Variants in DDX21 observed in about 807,000 individuals in gnomAD.
DDX21 encodes nucleolar RNA helicase 2.
Under a neutral mutation model 90.0 loss-of-function variants are expected in DDX21, and 18 were observed. The observed-to-expected ratio is 0.20, with a 90% CI of 0.14 to 0.30. DDX21 has a LOEUF of 0.30. Ranked by LOEUF, DDX21 falls within the 10% of genes least tolerant of loss-of-function variation. The pLI is 1.00. For missense variants in DDX21, 673 were observed against 944.5 expected (o/e 0.71, Z 3.77); for synonymous variants, 294 against 318.0 (o/e 0.92, Z 0.80).
At chr10:68,976,060 AAAAAATAC>A (rs1843095796) in intron 11 of DDX21, among the ~76,000 whole-genome samples, 1 of 151,612 alleles carries the variant, frequency 6.6e-6, no homozygotes, top group Non-Finnish European at 1.5e-5. Flanking sequence ...AAAAAAAAAA[AAAAAATAC>A]AAAAATACAA....
Position 68,959,932 on chromosome 10 carries a change from C to T in DDX21, c.214C>T (p.Pro72Ser), listed in dbSNP as rs374486646. The T allele has an allele frequency of 6.2e-7, 1 of 1,610,498 alleles. No homozygotes were observed. The highest frequency in any genetic ancestry group is 8.5e-7 in the Non-Finnish European group (1 of 1,179,496). The change falls in exon 2 of 15, where the codon CCT (proline) becomes TCT (serine). Residue 72 changes from proline to serine, a missense_variant. Pro to Ser is a moderately conservative substitution (Grantham distance 74, BLOSUM62 -1). This residue lies in a region of DDX21 where 204 missense variants were observed against 221.6 expected (regional missense o/e 0.92). Coordinates refer to ENST00000354185, the MANE Select transcript of DDX21 (RefSeq NM_004728.4). The part of the protein sequence containing the change: ...AEPSEVDMNS[P>S]KSKKAKKKEE... ...GCCTTCTGAAGTTGACATGAATTCTCCTAAATCCAAAAAGGCAAAAAAGAA... is the reference window on the plus strand; with the variant it reads ...GCCTTCTGAAGTTGACATGAATTCTTCTAAATCCAAAAAGGCAAAAAAGAA...
chr10:68,962,174 T>TA lies in DDX21; in HGVS notation c.607+18dup. ...TTCTCAAAGGTAATGTTCTTGGAAA[T>TA]ATCGTATGATGTTAGAACGTATTAT... is the stretch of plus-strand genomic sequence containing the variant. On this transcript the variant is annotated intron_variant, in intron 3 of 14. Transcript: ENST00000354185. 1 of 1,548,712 alleles carries TA rather than the reference T, an allele frequency of 6.5e-7. No individual in the cohort carries two copies. The highest frequency in any genetic ancestry group is 8.9e-7 in the Non-Finnish European group (1 of 1,126,834).
chr10:68,974,829 A>C (rs879789170), intron 11 of DDX21, 86 bp downstream of exon 11: 409 of 1,232,298 alleles, frequency 3.3e-4, no homozygotes, highest in Non-Finnish European at 4.5e-4. Context: ...TTGACTTAAA[A>C]AAATTTTTTT....
At chr10:68,965,317 G>GACT (rs1202649135) in intron 4 of DDX21, 60 bp from the exon 5 acceptor site, 6 of 1,332,386 alleles carry the variant, frequency 4.5e-6, no homozygotes, top group Non-Finnish European at 5.3e-6. Context: ...GTTCTTTAAG[G>GACT]ACTAGATTAA....
chr10:68,977,588 T>C lies in DDX21; in HGVS notation c.1802T>C (p.Leu601Pro). Residue 601 changes from leucine to proline, a missense_variant, in exon 12 of 15, where the codon CTG becomes CCG. Physicochemically the swap from Leu to Pro is moderately conservative, Grantham distance 98 (BLOSUM62 -3). Coordinates refer to ENST00000354185, the MANE Select transcript of DDX21 (RefSeq NM_004728.4). ...ISHFKQSAEK[L>P]IEEKGAVEAL... The stretch of plus-strand genomic sequence containing the variant: ...CACTTCAAACAATCAGCTGAGAAGC[T>C]GATAGAGGAGAAGGGAGCTGTGGAA... 1 of 1,613,762 alleles carries C rather than the reference T, an allele frequency of 6.2e-7. No homozygotes were observed.
At chr10:68,971,605 T>C (rs1343313226) in intron 8 of DDX21, among the ~76,000 whole-genome samples, 1 of 152,120 alleles carries the variant, frequency 6.6e-6, no homozygotes, top group Non-Finnish European at 1.5e-5. Flanking sequence ...ATCACACAAA[T>C]GAGGAAAGGG....
intron 13 of DDX21, among the ~76,000 whole-genome samples, chr10:68,979,396 G>A (rs1358136911): frequency 6.6e-6 from 1 of 152,094 alleles, no homozygotes; most frequent in African/African-American, 2.4e-5. Flanking sequence ...ACTATCACAA[G>A]GATTCTCAAA....
At chr10:68,956,399 G>A in intron 1 of DDX21, 87 bp downstream of exon 1, 4 of 1,575,356 alleles carry the variant, frequency 2.5e-6, no homozygotes, top group Middle Eastern at 3.7e-4. Context: ...TGGGATCGTG[G>A]GAGCGCGCGG....
At chr10:68,980,480 A>C (rs1843169776) in intron 13 of DDX21, among the ~76,000 whole-genome samples, 1 of 152,190 alleles carries the variant, frequency 6.6e-6, no homozygotes. Flanking sequence ...AATGCCTGGG[A>C]TTATACTCTA....
chr10:68,983,330 A>T lies in DDX21; in HGVS notation c.*518A>T, dbSNP rs1198446627. On this transcript the variant is annotated 3_prime_UTR_variant, in exon 15 of 15. Coordinates refer to ENST00000354185, the MANE Select transcript of DDX21 (RefSeq NM_004728.4). ...AGCAATGTTTTGAAACAAGATTTCA[A>T]ACTAATCTGGGTTGTAATACAGTTT... 2 of 160,514 alleles carry T rather than the reference A, an allele frequency of 1.2e-5. No homozygotes were observed. Among genetic ancestry groups the T allele is most frequent in the Non-Finnish European group, 2.8e-5 (2 of 72,154 alleles). The allele number at this position is 160,514 out of a possible 1,614,324, so 9.9% of individuals were successfully genotyped here. A position where few individuals can be genotyped will look rare whatever the true frequency, so the allele number is the denominator to read the frequency against.
At chr10:68,960,363 C>A in intron 2 of DDX21, 114 bp downstream of exon 2, 1 of 1,107,224 alleles carries the variant, frequency 9.0e-7, no homozygotes, top group East Asian at 2.7e-5. Context: ...TGTGTCAGCA[C>A]CTTGTGGGTT....
rs748329959 is a variant in DDX21 at position 68,960,076 on chromosome 10, C to G, written c.358C>G (p.Pro120Ala). 3 of 1,609,050 alleles carry G rather than the reference C, an allele frequency of 1.9e-6. No homozygotes were observed. In the Admixed American group the frequency reaches 5.1e-5, roughly 27 times the overall value. The change falls in exon 2 of 15, where the codon CCT becomes GCT. Residue 120 changes from proline to alanine, a missense_variant. Pro to Ala is a conservative substitution (Grantham distance 27). This residue lies in a region of DDX21 where 204 missense variants were observed against 221.6 expected (regional missense o/e 0.92). Transcript: ENST00000354185. ...CAAAAAAGTGACAAAAAATGAGGAG[C>G]CTTCTGAGGAAGAAATAGATGCTCC... ...KTKKVTKNEE[P>A]SEEEIDAPKP...
intron 1 of DDX21, 24 bp from the exon 2 acceptor site, chr10:68,959,782 A>G: frequency 6.7e-7 from 1 of 1,490,352 alleles, no homozygotes; most frequent in Non-Finnish European, 8.9e-7. Flanking sequence ...CAGTGTTTGT[A>G]TTTTCCTTAT....
rs190131377 is a variant in DDX21, at chr10:68,966,233, C to A, written c.904+739C>A. 2.6e-3 allele frequency among the ~76,000 whole-genome samples: 392 copies of A among 151,586 alleles called. 5 individuals are homozygous for A. The highest frequency in any genetic ancestry group is 0.011 in the Admixed American group (174 of 15,244). ...GTGGCGTGAACCTGGGAGGCTCCCA[C>A]GCCCGGCTAATTTTTGTATTTTTAG... On this transcript the variant is annotated intron_variant, in intron 5 of 14. Coordinates refer to ENST00000354185, the MANE Select transcript of DDX21 (RefSeq NM_004728.4).
At chr10:68,971,462 G>T (rs1470320057) in intron 8 of DDX21, among the ~76,000 whole-genome samples, 1 of 151,972 alleles carries the variant, frequency 6.6e-6, no homozygotes, top group Non-Finnish European at 1.5e-5. Flanking sequence ...GCCCAGGCTG[G>T]TCTCAAACCC....
In DDX21 at chr10:68,956,216, T is replaced by A. The variant is rs369216864; in HGVS notation, c.-10T>A. 1 of 1,613,812 alleles carries A rather than the reference T, an allele frequency of 6.2e-7. No homozygotes were observed. The highest frequency in any genetic ancestry group is 8.5e-7 in the Non-Finnish European group (1 of 1,179,874). On this transcript the variant is annotated 5_prime_UTR_variant, in exon 1 of 15. Transcript: ENST00000354185. ...AGAAGACCGGTCGGCCTGGGCAACC[T>A]GCGCTGAAGATGCCGGGAAAACTCC...
At chr10:68,970,111 C>T in intron 7 of DDX21, 90 bp from the exon 8 acceptor site, 1 of 1,246,418 alleles carries the variant, frequency 8.0e-7, no homozygotes, top group Non-Finnish European at 1.1e-6. Context: ...GACATTAGAA[C>T]ATTAGTGTTG....
chr10:68,982,817 A>T lies in DDX21; in HGVS notation c.*5A>T, dbSNP rs200754055. 1.2e-6 allele frequency: 2 copies of T among 1,613,428 alleles called. No homozygotes were observed. Among genetic ancestry groups the T allele is most frequent in the Non-Finnish European group, 1.7e-6 (2 of 1,179,618 alleles). On this transcript the variant is annotated 3_prime_UTR_variant, in exon 15 of 15. Coordinates refer to ENST00000354185, the MANE Select transcript of DDX21 (RefSeq NM_004728.4). Reference sequence around the variant, plus strand: ...AGTAAAGCATTTGGTCAATAATTAGAAATAGAAGATTTATATAGCAAAAAG... The same window carrying T: ...AGTAAAGCATTTGGTCAATAATTAGTAATAGAAGATTTATATAGCAAAAAG...
chr10:68,961,930 A>G (rs1411291976), intron 2 of DDX21, 152 bp from the exon 3 acceptor site: 2 of 559,904 alleles, frequency 3.6e-6, no homozygotes, highest in Non-Finnish European at 6.2e-6. Context: ...CGAGTTACCT[A>G]TCAAGGTTTT....
Sources: allele counts gnomAD v4.1 joint callset (sites outside exome capture counted in the v4.1 genomes callset), GRCh38; gene constraint gnomAD v4.1.1; regional missense constraint gnomAD v4.1.1; transcripts MANE v1.5; gene names NCBI Gene and HGNC (gene_info 2026-07-23, HGNC 2026-07-21).